Variants in EPB41 observed in about 807,000 individuals in gnomAD.
EPB41 encodes protein 4.1.
A neutral mutation model predicts 108.0 loss-of-function variants in EPB41; 65 were observed. That is an observed-to-expected ratio of 0.60 (90% CI 0.49 to 0.74). The LOEUF (loss-of-function observed/expected upper bound fraction) is 0.74, where lower values mean the gene tolerates loss of function less well. Among genes scored for constraint, EPB41 ranks in the 30% least tolerant of loss-of-function variants. The pLI, the probability that EPB41 is intolerant of heterozygous loss-of-function variation, is 0.00. For synonymous variants in EPB41, 336 were observed against 358.9 expected (o/e 0.94, Z 0.72); for missense variants, 875 against 1,037.0 (o/e 0.84, Z 2.15).
intron 3 of EPB41, among the ~76,000 whole-genome samples, chr1:28,996,069 T>C (rs1469147912): frequency 6.6e-6 from 1 of 152,212 alleles, no homozygotes; most frequent in African/African-American, 2.4e-5. Context: ...ATTTGATTAT[T>C]GTTAAACAAT....
chr1:28,918,652 T>A (rs1474201684), intron 1 of EPB41, among the ~76,000 whole-genome samples: 2 of 152,152 alleles, frequency 1.3e-5, no homozygotes, highest in Non-Finnish European at 2.9e-5. Context: ...TGGTTTATGC[T>A]TGTAATCCCA....
intron 4 of EPB41, among the ~76,000 whole-genome samples, chr1:29,009,673 G>A (rs1572377760): frequency 6.6e-6 from 1 of 152,044 alleles, no homozygotes. Context: ...TTGAAAATAC[G>A]GCAACTTTTT....
chr1:28,970,992 C>T (rs138518785), intron 1 of EPB41, among the ~76,000 whole-genome samples: 1,593 of 151,748 alleles, frequency 0.01, 49 homozygotes, highest in East Asian at 0.077. Flanking sequence ...GGATTACAGG[C>T]GCGTGCCACT....
rs150170351 is a variant in EPB41 at position 29,082,570 on chromosome 1, G to A, written c.2185-15237G>A. On this transcript the variant is annotated intron_variant, in intron 16 of 20. Transcript: ENST00000343067. ...CTTCAGAGTTTTTGTACTGGTCATA[G>A]CTCCTTTTTCTCCACCTTCATCCCT... Among the ~76,000 whole-genome samples, 670 of 152,210 alleles carry A rather than the reference G, an allele frequency of 4.4e-3. 3 individuals are homozygous for A. The highest frequency in any genetic ancestry group is 0.015 in the African/African-American group (633 of 41,524).
chr1:28,935,095 A>C (rs115156938), intron 1 of EPB41, among the ~76,000 whole-genome samples: 1,981 of 151,678 alleles, frequency 0.013, 42 homozygotes, highest in African/African-American at 0.044. Flanking sequence ...CTGGTTGACA[A>C]AGTGAGACCC....
At chr1:29,048,832 T>C (rs1293748927) in intron 11 of EPB41, among the ~76,000 whole-genome samples, 1 of 151,602 alleles carries the variant, frequency 6.6e-6, no homozygotes, top group East Asian at 1.9e-4. Context: ...AATAGGACAA[T>C]TTTTTTTTGT....
chr1:29,100,671 A>G (rs1320367235), intron 17 of EPB41, among the ~76,000 whole-genome samples: 1 of 146,854 alleles, frequency 6.8e-6, no homozygotes, highest in African/African-American at 2.5e-5. Context: ...TTATAATTAT[A>G]CATATTAAAT....
At chr1:28,907,072 T>G (rs1458717395) in intron 1 of EPB41, among the ~76,000 whole-genome samples, 3 of 147,060 alleles carry the variant, frequency 2.0e-5, no homozygotes, top group Non-Finnish European at 3.0e-5. Context: ...TGCCTGGCCT[T>G]TTTTTTTTTT....
intron 1 of EPB41, among the ~76,000 whole-genome samples, chr1:28,919,359 A>G (rs548472396): frequency 2.0e-5 from 3 of 152,170 alleles, no homozygotes; most frequent in South Asian, 4.1e-4. Flanking sequence ...TCAGCTTCCC[A>G]CTAAGTCACC....
chr1:28,941,685 C>T (rs373567617), intron 1 of EPB41, among the ~76,000 whole-genome samples: 10 of 152,178 alleles, frequency 6.6e-5, no homozygotes, highest in Non-Finnish European at 1.0e-4. Context: ...CACCTGAGGT[C>T]GGGAGTTCCA....
intron 16 of EPB41, among the ~76,000 whole-genome samples, chr1:29,081,945 G>T (rs960926917): frequency 6.6e-6 from 1 of 151,718 alleles, no homozygotes; most frequent in Non-Finnish European, 1.5e-5. Flanking sequence ...TTTCTCCAAA[G>T]CCATGTTTCT....
chr1:29,103,708 C>A (rs975551451), intron 17 of EPB41, among the ~76,000 whole-genome samples: 1 of 152,126 alleles, frequency 6.6e-6, no homozygotes, highest in Non-Finnish European at 1.5e-5. Flanking sequence ...CACTCTGTCA[C>A]CCAGGCTGGA....
chr1:29,048,388 A>C (rs922026809), intron 11 of EPB41, among the ~76,000 whole-genome samples: 7 of 151,266 alleles, frequency 4.6e-5, no homozygotes, highest in African/African-American at 1.7e-4. Context: ...CTAATTTTGT[A>C]TTTTTAGTAG....
chr1:29,008,103 A>G (rs1423762013), intron 4 of EPB41, among the ~76,000 whole-genome samples: 3 of 152,100 alleles, frequency 2.0e-5, no homozygotes, highest in Non-Finnish European at 4.4e-5. Flanking sequence ...CCTTTATAAC[A>G]TGTGTTCCTT....
intron 19 of EPB41, among the ~76,000 whole-genome samples, chr1:29,112,707 C>T (rs895286055): frequency 1.3e-5 from 2 of 152,174 alleles, no homozygotes; most frequent in African/African-American, 2.4e-5. Flanking sequence ...TTAATATATT[C>T]TAGCTGTTAA....
At chr1:29,070,949 C>G (rs1428156608) in intron 16 of EPB41, 1 of 197,652 alleles carries the variant, frequency 5.1e-6, no homozygotes, top group African/African-American at 2.3e-5. Context: ...TTATGTCTTC[C>G]TATCCAATAT....
chr1:28,898,156 G>C (rs1054943407), intron 1 of EPB41, among the ~76,000 whole-genome samples: 4 of 152,164 alleles, frequency 2.6e-5, no homozygotes, highest in South Asian at 2.1e-4. Flanking sequence ...AGGAGATGAG[G>C]CTGGTCAGGG....
At chr1:29,025,116 A>G (rs561969595) in intron 7 of EPB41, among the ~76,000 whole-genome samples, 1 of 152,188 alleles carries the variant, frequency 6.6e-6, no homozygotes, top group Admixed American at 6.5e-5. Context: ...TTTTAAAGCT[A>G]TAATTAACAC....
intron 17 of EPB41, among the ~76,000 whole-genome samples, 160 bp from the exon 18 acceptor site, chr1:29,109,176 C>T (rs923681145): frequency 6.7e-6 from 1 of 149,318 alleles, no homozygotes; most frequent in Non-Finnish European, 1.5e-5. Flanking sequence ...CCAGCCTGGG[C>T]GACAAGAGTG....
Sources: allele counts gnomAD v4.1 joint callset (sites outside exome capture counted in the v4.1 genomes callset), GRCh38; gene constraint gnomAD v4.1.1; transcripts MANE v1.5; gene names NCBI Gene and HGNC (gene_info 2026-07-23, HGNC 2026-07-21).